OBP2B: variants seen among roughly 807,000 people sequenced by gnomAD.
OBP2B encodes the protein odorant binding protein 2B.
OBP2B carries 10 observed loss-of-function variants against 21.7 expected under a neutral mutation model. That is an observed-to-expected ratio of 0.46 (90% CI 0.28 to 0.78). The LOEUF is 0.78. Ranked by LOEUF, OBP2B falls within the 30% of genes least tolerant of loss-of-function variation. The pLI is 0.11. For missense variants in OBP2B, 153 were observed against 217.7 expected, an observed-to-expected ratio of 0.70 and a Z score of 1.87; for synonymous variants, 73 against 91.5, an observed-to-expected ratio of 0.80 and a Z score of 1.16.
intron 3 of OBP2B, chr9:133,207,859 T>C (rs1392540249): frequency 2.0e-6 from 3 of 1,514,082 alleles, no homozygotes; most frequent in Admixed American, 2.0e-5. Flanking sequence ...GGCCTCCTTG[T>C]CCCAATCCTC....
At chr9:133,212,702 G>T (rs1299571573), upstream of OBP2B, among the ~76,000 whole-genome samples, 1 of 152,190 alleles carries the variant, frequency 6.6e-6, no homozygotes, top group African/African-American at 2.4e-5. Context: ...AGGCCCAGGC[G>T]GGTGGATCAC....
upstream of OBP2B, among the ~76,000 whole-genome samples, chr9:133,209,976 G>A (rs368895230): frequency 1.3e-5 from 2 of 152,038 alleles, no homozygotes; most frequent in Non-Finnish European, 2.9e-5. This position sits in a 1 kb window ranked among gnomAD's most constrained non-coding sequence, Gnocchi z 6.0. Flanking sequence ...CGTATTCATC[G>A]ACCATCTCCC....
chr9:133,205,708 G>T lies in OBP2B; in HGVS notation c.*1+209C>A. 4 of 542,990 alleles carry T rather than the reference G, an allele frequency of 7.4e-6. No individual in the cohort carries two copies. The South Asian group carries it at 9.1e-5, about 12-fold the overall frequency. 33.6% of individuals were successfully genotyped at this position (542,990 alleles called of 1,614,324 possible). On this transcript the variant is annotated intron_variant, in intron 6 of 6. Coordinates refer to ENST00000372034, the MANE Select transcript of OBP2B (RefSeq NM_014581.4). ...AAGGCCGAGGAGGACCCTCACTCGGGCTGGCAGGTGCAGGAATGATAAAAC... is the reference window on the plus strand; with the variant it reads ...AAGGCCGAGGAGGACCCTCACTCGGTCTGGCAGGTGCAGGAATGATAAAAC...
the OBP2B span, among the ~76,000 whole-genome samples, chr9:133,221,681 C>A: frequency 8.1e-3 from 1,232 of 152,260 alleles, 20 homozygotes; most frequent in African/African-American, 0.027. Flanking sequence ...TCCATCCTGG[C>A]CTTAGAATAA....
chr9:133,215,463 CT>C, the OBP2B span, among the ~76,000 whole-genome samples: 3 of 150,324 alleles, frequency 2.0e-5, no homozygotes, highest in Admixed American at 6.7e-5. Flanking sequence ...ATAACTAAAA[CT>C]TTTTTTTTTA....
At chr9:133,211,425 C>G (rs3761823), upstream of OBP2B, among the ~76,000 whole-genome samples, 96,193 of 152,154 alleles carry the variant, frequency 0.63, 32,585 homozygotes, top group Non-Finnish European at 0.78. Context: ...GACCCACGCT[C>G]TCGGCCCACC....
At chr9:133,209,853 A>G (rs1189194160), upstream of OBP2B, among the ~76,000 whole-genome samples, 2 of 152,122 alleles carry the variant, frequency 1.3e-5, no homozygotes, top group Non-Finnish European at 2.9e-5. The surrounding 1 kb of genome is among the most constrained non-coding windows in gnomAD (Gnocchi z 6.0). Flanking sequence ...TCCTCGGGCC[A>G]TATGAGGGAC....
At chr9:133,215,626 C>A in the OBP2B span, among the ~76,000 whole-genome samples, 4 of 152,068 alleles carry the variant, frequency 2.6e-5, no homozygotes. Flanking sequence ...TCAAGTGATT[C>A]TCCTGCCTCC....
the OBP2B span, among the ~76,000 whole-genome samples, chr9:133,216,521 C>T: frequency 1.3e-5 from 2 of 151,362 alleles, no homozygotes; most frequent in Non-Finnish European, 2.9e-5. Flanking sequence ...TAGAACCCCG[C>T]AATAGAACCC....
chr9:133,215,964 T>C, the OBP2B span, among the ~76,000 whole-genome samples: 5 of 152,100 alleles, frequency 3.3e-5, no homozygotes, highest in African/African-American at 1.2e-4. Context: ...GACTTAAACA[T>C]AAAACTTAAA....
At chr9:133,212,329 G>A (rs189897957), upstream of OBP2B, among the ~76,000 whole-genome samples, 52 of 152,262 alleles carry the variant, frequency 3.4e-4, no homozygotes, top group African/African-American at 1.2e-3. Context: ...TAACATAATC[G>A]AATTGACATT....
At chr9:133,218,669 T>TA in the OBP2B span, among the ~76,000 whole-genome samples, 5 of 152,052 alleles carry the variant, frequency 3.3e-5, no homozygotes, top group Non-Finnish European at 5.9e-5. Context: ...GAATGGGAGC[T>TA]AACGAGCTCA....
At chr9:133,206,206 G>A (rs1332834106) in intron 5 of OBP2B, 109 bp downstream of exon 5, 44 of 1,307,312 alleles carry the variant, frequency 3.4e-5, no homozygotes, top group Non-Finnish European at 2.9e-5. Context: ...GAGACTCGGG[G>A]CACACGGGGA....
chr9:133,212,990 C>T (rs1214066200), upstream of OBP2B, among the ~76,000 whole-genome samples: 3 of 151,860 alleles, frequency 2.0e-5, no homozygotes, highest in Non-Finnish European at 4.4e-5. Context: ...CTTTGGAGCC[C>T]CACGTGGGCA....
the OBP2B span, among the ~76,000 whole-genome samples, chr9:133,218,169 C>T: frequency 6.6e-6 from 1 of 152,188 alleles, no homozygotes. Context: ...ATGAGCTCGT[C>T]AGCTGGAAGA....
At position 133,208,466 on chromosome 9, in the gene OBP2B, C is replaced by T. The variant is rs782297812; in HGVS notation, c.206+3G>A. On this transcript the variant is annotated splice_donor_region_variant and intron_variant, in intron 2 of 6. Coordinates refer to ENST00000372034, the MANE Select transcript of OBP2B (RefSeq NM_014581.4). ...GAGGGGCCCTGCAGTGGGCAACACT[C>T]ACATGAAGGTGAACGTGGCTTCCAA... The T allele has an allele frequency of 6.8e-5, 110 of 1,613,358 alleles. 3 individuals carry two copies. In the South Asian group the frequency reaches 1.1e-3, roughly 16 times the overall value.
Position 133,206,111 on chromosome 9 carries a change from C to T in OBP2B, c.491-171G>A, listed in dbSNP as rs528943721. Among the ~76,000 whole-genome samples, 7 of 144,610 alleles carry T rather than the reference C, an allele frequency of 4.8e-5. 1 individual carries two copies. The South Asian group carries it at 6.7e-4, about 14-fold the overall frequency. 94.9% of individuals were successfully genotyped at this position (144,610 alleles called of 152,430 possible). Reference sequence around the variant, plus strand: ...CCCCAGACCCCATCGCAGCCCAGAGCGCGGAGCCCCAGACCCCATCGCAGC... The same window carrying T: ...CCCCAGACCCCATCGCAGCCCAGAGTGCGGAGCCCCAGACCCCATCGCAGC... On this transcript the variant is annotated intron_variant, in intron 5 of 6. Transcript: ENST00000372034.
At chr9:133,211,994 G>A (rs1277701063), upstream of OBP2B, among the ~76,000 whole-genome samples, 1 of 152,100 alleles carries the variant, frequency 6.6e-6, no homozygotes, top group African/African-American at 2.4e-5. Flanking sequence ...CAGGTTGAAA[G>A]TAAAAACATG....
At chr9:133,207,153 T>A in intron 4 of OBP2B, 73 bp downstream of exon 4, 1 of 1,036,492 alleles carries the variant, frequency 9.6e-7, no homozygotes, top group South Asian at 1.3e-5. Context: ...CAGGGCATGG[T>A]GGTGCTGGTT....
Sources: allele counts gnomAD v4.1 joint callset (sites outside exome capture counted in the v4.1 genomes callset), GRCh38; gene constraint gnomAD v4.1.1; non-coding constraint Gnocchi (gnomAD v3.1); transcripts MANE v1.5; gene names NCBI Gene and HGNC (gene_info 2026-07-23, HGNC 2026-07-21).